ELAVL2: variants seen among roughly 807,000 people sequenced by gnomAD.
The protein encoded by ELAVL2 is ELAV like RNA binding protein 2.
A neutral mutation model predicts 34.6 loss-of-function variants in ELAVL2; 4 were observed. That is an observed-to-expected ratio of 0.12 (90% CI 0.06 to 0.26). The LOEUF is 0.26. Among genes scored for constraint, ELAVL2 ranks in the 10% least tolerant of loss-of-function variants. The probability of loss-of-function intolerance (pLI) is 1.00; values close to 1 mark genes in which losing one functional copy is unlikely to be tolerated. For synonymous variants in ELAVL2, 193 were observed against 154.8 expected (o/e 1.25, Z -1.83); for missense variants, 432 against 442.8 (o/e 0.98, Z 0.22).
chr9:23,790,459 T>C (rs1321563886), intron 1 of ELAVL2, among the ~76,000 whole-genome samples: 1 of 152,196 alleles, frequency 6.6e-6, no homozygotes, highest in African/African-American at 2.4e-5. Flanking sequence ...GCATATCGGC[T>C]GCTCTGGGAA....
At position 23,701,517 on chromosome 9, in the gene ELAVL2, G is replaced by C. The variant is rs755017058; in HGVS notation, c.575C>G (p.Pro192Arg). 1 of 1,614,098 alleles carries C rather than the reference G, an allele frequency of 6.2e-7. No individual in the cohort carries two copies. Among genetic ancestry groups the C allele is most frequent in the Non-Finnish European group, 8.5e-7 (1 of 1,180,000 alleles). ...AIKGLNGQKPPGATEPITVKF... is the reference protein window; with the variant it reads ...AIKGLNGQKPRGATEPITVKF... ...TACAGTGATTGGCTCCGTGGCACCG[G>C]GAGGTTTCTGGCCATTTAGGCCTTT... The change falls in exon 5 of 7, where the codon CCC becomes CGC. Residue 192 changes from proline (P) to arginine (R), a missense_variant. By Grantham distance (103) the Pro-to-Arg change is moderately radical. Coordinates refer to ENST00000397312, the MANE Select transcript of ELAVL2 (RefSeq NM_004432.5).
chr9:23,700,404 G>T (rs1283709081), intron 5 of ELAVL2, among the ~76,000 whole-genome samples: 2 of 152,068 alleles, frequency 1.3e-5, no homozygotes, highest in South Asian at 4.1e-4. Flanking sequence ...GAGATTTTTT[G>T]AATGACTCCT....
At chr9:23,774,283 A>T (rs2057849941) in intron 1 of ELAVL2, among the ~76,000 whole-genome samples, 3 of 151,540 alleles carry the variant, frequency 2.0e-5, no homozygotes, top group Non-Finnish European at 1.5e-5. Context: ...CTTTTGGATT[A>T]AGCCTGTCAG....
Position 23,748,526 on chromosome 9 carries a change from T to A in ELAVL2, c.229+13480A>T, listed in dbSNP as rs527795242. On this transcript the variant is annotated intron_variant, in intron 2 of 6. Transcript: ENST00000397312. ...TACACCAACTGCCTCTTCCTCCAGG[T>A]AACTTGCCAAGATGGGGAGTGATAA... Among the ~76,000 whole-genome samples, 5 of 152,268 alleles carry A rather than the reference T, an allele frequency of 3.3e-5. 1 individual carries two copies. The South Asian group carries it at 1.0e-3, about 32-fold the overall frequency.
At chr9:23,704,149 C>CTTTTTTTTTTTTTTTTTTT in intron 4 of ELAVL2, among the ~76,000 whole-genome samples, 1 of 151,816 alleles carries the variant, frequency 6.6e-6, no homozygotes, top group South Asian at 2.1e-4. Context: ...TCACGCTGGT[C>CTTTTTTTTTTTTTTTTTTT]TTGAACTCCC....
intron 1 of ELAVL2, among the ~76,000 whole-genome samples, chr9:23,786,296 A>G (rs1564460155): frequency 6.6e-6 from 1 of 152,194 alleles, no homozygotes. Context: ...GTAAGCAACA[A>G]AGATCTAATT....
chr9:23,771,486 A>G lies in ELAVL2; in HGVS notation c.-15-9237T>C, dbSNP rs902802517. ...ATACAAAAATTTTGACTTTATAAAT[A>G]TTAAATCCAGAGTTATTCACTTTAT... On this transcript the variant is annotated intron_variant, in intron 1 of 6. Transcript: ENST00000397312. Among the ~76,000 whole-genome samples, 9 of 152,202 alleles carry G rather than the reference A, an allele frequency of 5.9e-5. No homozygotes were observed. In the East Asian group the frequency reaches 1.7e-3, roughly 29 times the overall value.
chr9:23,783,994 A>C (rs1052290318), intron 1 of ELAVL2, among the ~76,000 whole-genome samples: 2 of 152,030 alleles, frequency 1.3e-5, no homozygotes, highest in Non-Finnish European at 2.9e-5. Flanking sequence ...GGAGATCGAG[A>C]CCATCCTGGC....
At chr9:23,770,266 G>A (rs1402957523) in intron 1 of ELAVL2, among the ~76,000 whole-genome samples, 2 of 152,110 alleles carry the variant, frequency 1.3e-5, no homozygotes, top group East Asian at 1.9e-4. Context: ...AGATGAAGAC[G>A]GGTAGTTTCC....
the ELAVL2 span, among the ~76,000 whole-genome samples, chr9:23,847,063 T>TA: frequency 2.0e-5 from 3 of 152,112 alleles, no homozygotes; most frequent in African/African-American, 7.2e-5. Context: ...ATAAGGCACT[T>TA]ACATATATGA....
At chr9:23,723,282 G>GA (rs1455103601) in intron 3 of ELAVL2, among the ~76,000 whole-genome samples, 1 of 152,134 alleles carries the variant, frequency 6.6e-6, no homozygotes, top group Non-Finnish European at 1.5e-5. Context: ...GGACATGGAT[G>GA]AAATTGGAAA....
intron 5 of ELAVL2, among the ~76,000 whole-genome samples, chr9:23,700,395 A>T (rs1027426099): frequency 1.3e-5 from 2 of 152,194 alleles, no homozygotes; most frequent in African/African-American, 4.8e-5. Context: ...TGCAGATTAG[A>T]GATTTTTTGA....
chr9:23,747,171 T>TTC (rs2050714185), intron 2 of ELAVL2, among the ~76,000 whole-genome samples: 1 of 151,772 alleles, frequency 6.6e-6, no homozygotes, highest in Admixed American at 6.6e-5. Flanking sequence ...CTTTTTTTTT[T>TTC]CCGATCTGTT....
intron 4 of ELAVL2, among the ~76,000 whole-genome samples, chr9:23,704,608 G>A (rs974412641): frequency 6.6e-6 from 1 of 152,114 alleles, no homozygotes; most frequent in African/African-American, 2.4e-5. Flanking sequence ...TCTATAAGCA[G>A]GATGGGGGCT....
intron 2 of ELAVL2, among the ~76,000 whole-genome samples, chr9:23,740,368 G>C (rs1364220952): frequency 6.6e-6 from 1 of 151,676 alleles, no homozygotes; most frequent in African/African-American, 2.4e-5. Context: ...AAGTTAACTT[G>C]CTCAAGGGCA....
intron 1 of ELAVL2, among the ~76,000 whole-genome samples, chr9:23,789,628 C>T (rs1164267740): frequency 6.6e-6 from 1 of 152,106 alleles, no homozygotes; most frequent in East Asian, 1.9e-4. Context: ...AGATGATTTC[C>T]ACGCACTCAG....
chr9:23,769,144 A>G (rs925648635), intron 1 of ELAVL2, among the ~76,000 whole-genome samples: 10 of 152,174 alleles, frequency 6.6e-5, no homozygotes, highest in African/African-American at 2.4e-4. Context: ...CCTAAATGCC[A>G]AGTTACAGAT....
rs1032643520 is a variant in ELAVL2 at position 23,717,946 on chromosome 9, C to T, written c.334-12875G>A. ...CTCAGTAAAACAAAAAAACAACTTG[C>T]AATTAAATACTTCTCAAAAACTTTT... On this transcript the variant is annotated intron_variant, in intron 3 of 6. Coordinates refer to ENST00000397312, the MANE Select transcript of ELAVL2 (RefSeq NM_004432.5). 8.5e-5 allele frequency among the ~76,000 whole-genome samples: 13 copies of T among 152,262 alleles called. 1 individual carries two copies. The highest frequency in any genetic ancestry group is 3.1e-4 in the African/African-American group (13 of 41,568).
chr9:23,828,660 C>T (rs1431013762), upstream of ELAVL2, among the ~76,000 whole-genome samples: 3 of 151,812 alleles, frequency 2.0e-5, no homozygotes, highest in African/African-American at 7.3e-5. Context: ...AAATATTATT[C>T]AAAGTATTGT....
Sources: allele counts gnomAD v4.1 joint callset (sites outside exome capture counted in the v4.1 genomes callset), GRCh38; gene constraint gnomAD v4.1.1; transcripts MANE v1.5; gene names NCBI Gene and HGNC (gene_info 2026-07-23, HGNC 2026-07-21).